STS: variants seen among roughly 807,000 people sequenced by gnomAD.
The protein encoded by STS is steryl-sulfatase.
In STS, 7 loss-of-function variants were observed where a neutral mutation model predicts 26.8. That is an observed-to-expected ratio of 0.26 (90% CI 0.15 to 0.49). STS has a LOEUF of 0.49. Ranked by LOEUF, STS falls within the 20% of genes least tolerant of loss-of-function variation. The pLI is 0.98. For missense variants in STS, 434 were observed against 465.6 expected, an observed-to-expected ratio of 0.93 and a Z score of 0.63; for synonymous variants, 199 against 189.4, an observed-to-expected ratio of 1.05 and a Z score of -0.42.
At chrX:7,312,265 G>T (rs1220394029) in intron 8 of STS, among the ~76,000 whole-genome samples, 1 of 111,230 alleles carries the variant, frequency 9.0e-6, no homozygotes, top group African/African-American at 3.3e-5. Context: ...CCTTTGTAAG[G>T]TCTCCCTGGA....
intron 1 of STS, among the ~76,000 whole-genome samples, chrX:7,168,591 C>G (rs1933397780): frequency 9.0e-6 from 1 of 111,565 alleles, no homozygotes; most frequent in Non-Finnish European, 1.9e-5. Context: ...TCATGCCTCC[C>G]TGCACACAGG....
At chrX:7,274,349 C>G (rs1160042514) in intron 6 of STS, among the ~76,000 whole-genome samples, 1 of 111,409 alleles carries the variant, frequency 9.0e-6, no homozygotes. Context: ...GCACAAATCT[C>G]TCAGAGCTCT....
chrX:7,311,131 C>T (rs1363309598), intron 8 of STS, among the ~76,000 whole-genome samples: 1 of 110,562 alleles, frequency 9.0e-6, no homozygotes, highest in African/African-American at 3.3e-5. Context: ...TGACATTGGT[C>T]ATCTTTTGTC....
chrX:7,230,183 G>A (rs1323772939), intron 2 of STS, among the ~76,000 whole-genome samples: 2 of 111,249 alleles, frequency 1.8e-5, no homozygotes, highest in African/African-American at 6.6e-5. Flanking sequence ...CCACCACCAG[G>A]TCCATCCTCA....
At chrX:7,262,446 A>G (rs1232200626) in intron 6 of STS, among the ~76,000 whole-genome samples, 1 of 111,780 alleles carries the variant, frequency 8.9e-6, no homozygotes, top group Admixed American at 9.4e-5. Context: ...ACATGGGGCT[A>G]AGAGGCAGTC....
chrX:7,339,139 C>G (rs1928169584), intron 10 of STS, among the ~76,000 whole-genome samples: 1 of 112,089 alleles, frequency 8.9e-6, no homozygotes, highest in African/African-American at 3.2e-5. Flanking sequence ...ATTCTCATAA[C>G]AGCCACTTAT....
At chrX:7,265,627 A>G (rs1923969733) in intron 6 of STS, among the ~76,000 whole-genome samples, 1 of 111,936 alleles carries the variant, frequency 8.9e-6, no homozygotes, top group Admixed American at 9.5e-5. Flanking sequence ...AATTACAACA[A>G]AAGGATTTTT....
chrX:7,163,056 C>CA (rs60006129), intron 1 of STS, among the ~76,000 whole-genome samples: 3,544 of 74,775 alleles, frequency 0.047, 126 homozygotes, highest in Non-Finnish European at 0.071. Flanking sequence ...GACTCCGTCT[C>CA]AAAAAAAAAA....
chrX:7,320,003 T>A (rs1926910553), intron 8 of STS, among the ~76,000 whole-genome samples: 1 of 85,526 alleles, frequency 1.2e-5, no homozygotes, highest in Non-Finnish European at 2.1e-5. Flanking sequence ...TATATATTTT[T>A]ATATATATAT....
intron 2 of STS, among the ~76,000 whole-genome samples, 192 bp downstream of exon 2, chrX:7,191,200 C>T (rs1472739871): frequency 1.1e-5 from 1 of 94,019 alleles, no homozygotes; most frequent in Non-Finnish European, 2.2e-5. Flanking sequence ...AAGAACTTTC[C>T]ATCAAAAGGT....
intron 2 of STS, among the ~76,000 whole-genome samples, chrX:7,195,252 A>G (rs894217631): frequency 9.0e-6 from 1 of 111,595 alleles, no homozygotes; most frequent in African/African-American, 3.3e-5. Flanking sequence ...CCACCCTCCA[A>G]ACTTCTCAAC....
chrX:7,259,506 G>C lies in STS; in HGVS notation c.540G>C (p.Leu180=). 8.3e-7 allele frequency: 1 copy of C among 1,211,733 alleles called. No individual in the cohort carries two copies. ...GSVFTTGFKR[L]VFLPLQIVGV... ...TCTTCACCACGGGCTTCAAGAGGCTGGTCTTCCTCCCCCTGCAGATCGTCG... is the reference window on the plus strand; with the variant it reads ...TCTTCACCACGGGCTTCAAGAGGCTCGTCTTCCTCCCCCTGCAGATCGTCG... Residue 180 remains leucine, a synonymous_variant, in exon 6 of 11, where the codon CTG becomes CTC. Transcript: ENST00000674429.
intron 9 of STS, 83 bp from the exon 10 acceptor site, chrX:7,333,903 C>T: frequency 8.5e-7 from 1 of 1,183,244 alleles, no homozygotes; most frequent in Non-Finnish European, 1.1e-6. Flanking sequence ...GACTGGAGCT[C>T]CCTCATGCTC....
chrX:7,246,325 G>A (rs919650416), intron 2 of STS, among the ~76,000 whole-genome samples: 3 of 106,949 alleles, frequency 2.8e-5, no homozygotes, highest in African/African-American at 1.0e-4. Flanking sequence ...GCAGTGAGAC[G>A]GAGTCTCGCT....
chrX:7,325,479 G>T lies in STS; in HGVS notation c.1222G>T (p.Ala408Ser), dbSNP rs1256964446. 4 of 1,209,372 alleles carry T rather than the reference G, an allele frequency of 3.3e-6. No homozygotes were observed. The highest frequency in any genetic ancestry group is 1.8e-5 in the African/African-American group (1 of 57,090). ...IFPTVAKLAG[A>S]PLPEDRIIDG... ...TCCTACAGTAGCCAAGCTGGCTGGA[G>T]CTCCCTTGCCTGAGGACAGGTACTC... is the stretch of plus-strand genomic sequence containing the variant. The change falls in exon 9 of 11, where the codon GCT becomes TCT. Residue 408 changes from alanine (A) to serine (S), a missense_variant. This residue lies in a region of STS where 205 missense variants were observed against 177.3 expected (regional missense o/e 1.16). Coordinates refer to ENST00000674429, the MANE Select transcript of STS (RefSeq NM_001320752.2).
At chrX:7,282,907 T>C (rs1371882684) in intron 7 of STS, among the ~76,000 whole-genome samples, 1 of 112,074 alleles carries the variant, frequency 8.9e-6, no homozygotes, top group Non-Finnish European at 1.9e-5. Flanking sequence ...GATGAGATTG[T>C]TCTGCAAGAA....
chrX:7,260,312 T>A (rs1044270476), intron 6 of STS, among the ~76,000 whole-genome samples: 15 of 112,753 alleles, frequency 1.3e-4, no homozygotes, highest in African/African-American at 4.8e-4. Context: ...TAGAGTCTCT[T>A]TGCCAACATT....
chrX:7,263,757 G>A (rs371444704), intron 6 of STS, among the ~76,000 whole-genome samples: 5 of 110,873 alleles, frequency 4.5e-5, no homozygotes, highest in African/African-American at 1.6e-4. Flanking sequence ...GTTGTGTTGC[G>A]TTTGTGTGTG....
chrX:7,292,892 G>A (rs1925487385), intron 7 of STS, among the ~76,000 whole-genome samples: 1 of 111,006 alleles, frequency 9.0e-6, no homozygotes, highest in Non-Finnish European at 1.9e-5. Context: ...ACTGGGCAAG[G>A]TCATCCTTTC....
Sources: allele counts gnomAD v4.1 joint callset (sites outside exome capture counted in the v4.1 genomes callset), GRCh38; gene constraint gnomAD v4.1.1; regional missense constraint gnomAD v4.1.1; transcripts MANE v1.5; gene names NCBI Gene and HGNC (gene_info 2026-07-23, HGNC 2026-07-21).